Variants in FAM153A observed in about 807,000 individuals in gnomAD.
FAM153A encodes the protein protein FAM153A.
FAM153A carries 12 observed loss-of-function variants against 48.1 expected under a neutral mutation model. The observed-to-expected ratio is 0.25, with a 90% confidence interval of 0.16 to 0.40. The LOEUF (loss-of-function observed/expected upper bound fraction) is 0.40. FAM153A is among the 10% of genes least tolerant of loss of function. The pLI is 1.00. For missense variants in FAM153A, 111 were observed against 345.8 expected, an observed-to-expected ratio of 0.32 and a Z score of 5.38; for synonymous variants, 36 against 118.2, an observed-to-expected ratio of 0.30 and a Z score of 4.51.
chr5:177,699,538 T>G, the FAM153A span, among the ~76,000 whole-genome samples: 1 of 152,148 alleles, frequency 6.6e-6, no homozygotes, highest in Non-Finnish European at 1.5e-5. Context: ...ATGTTACTAC[T>G]GACCTTACAA....
upstream of FAM153A, chr5:177,753,214 C>T (rs760155815): frequency 6.2e-7 from 1 of 1,609,230 alleles, no homozygotes; most frequent in Non-Finnish European, 8.5e-7. Flanking sequence ...CATTGTGAGT[C>T]CTCTGAGACA....
chr5:177,699,021 G>A, the FAM153A span, among the ~76,000 whole-genome samples: 15 of 151,598 alleles, frequency 9.9e-5, no homozygotes, highest in African/African-American at 2.9e-4. Context: ...GGCTGGTCTC[G>A]AACTCCTGGG....
At chr5:177,746,645 T>C (rs1766055614) in intron 4 of FAM153A, among the ~76,000 whole-genome samples, 1 of 149,608 alleles carries the variant, frequency 6.7e-6, no homozygotes, top group South Asian at 2.1e-4. Context: ...CTTCTGCTCT[T>C]TCTTTTAACA....
chr5:177,754,210 G>T (rs1008208485), upstream of FAM153A, among the ~76,000 whole-genome samples: 74 of 152,130 alleles, frequency 4.9e-4, no homozygotes, highest in African/African-American at 1.7e-3. Flanking sequence ...GGCTCGGAGG[G>T]TCCTATGCCC....
intron 4 of FAM153A, 135 bp downstream of exon 6, chr5:177,747,634 C>T (rs1766218626): frequency 1.6e-6 from 1 of 642,210 alleles, no homozygotes; most frequent in Admixed American, 2.5e-5. Context: ...CTTGTCAAGA[C>T]AAAAGTGCTT....
At chr5:177,754,546 G>A (rs549362313), upstream of FAM153A, among the ~76,000 whole-genome samples, 79 of 151,978 alleles carry the variant, frequency 5.2e-4, no homozygotes, top group Middle Eastern at 0.014. Flanking sequence ...TCCTCAAGTG[G>A]GTCCCTGACC....
intron 16 of FAM153A, among the ~76,000 whole-genome samples, chr5:177,729,846 A>G (rs1227706413): frequency 0.014 from 1,611 of 114,454 alleles, 3 homozygotes; most frequent in African/African-American, 0.05. Flanking sequence ...AGCATCCAGG[A>G]CTCCTCCTTC....
chr5:177,749,858 A>T (rs529586590), intron 2 of FAM153A, among the ~76,000 whole-genome samples: 5 of 141,980 alleles, frequency 3.5e-5, no homozygotes, highest in Non-Finnish European at 7.6e-5. Context: ...CACAATGGAA[A>T]ACATAGTCTT....
upstream of FAM153A, among the ~76,000 whole-genome samples, chr5:177,755,443 G>T (rs544284389): frequency 2.7e-4 from 41 of 151,786 alleles, 1 homozygote; most frequent in South Asian, 6.2e-4. Context: ...TTCCCCAATC[G>T]AGCAAGGCAG....
the FAM153A span, among the ~76,000 whole-genome samples, chr5:177,694,676 C>A: frequency 7.9e-3 from 684 of 87,080 alleles, 15 homozygotes; most frequent in African/African-American, 0.033. Flanking sequence ...ATAACACCAA[C>A]GTTGCAGTGA....
At chr5:177,715,278 G>A (rs184877069) in intron 25 of FAM153A, among the ~76,000 whole-genome samples, 121 of 149,352 alleles carry the variant, frequency 8.1e-4, no homozygotes, top group African/African-American at 2.7e-3. Context: ...CACCGCACCC[G>A]GCCATCTCTA....
chr5:177,756,175 G>A (rs1385307451), upstream of FAM153A, among the ~76,000 whole-genome samples: 227 of 150,118 alleles, frequency 1.5e-3, no homozygotes, highest in Middle Eastern at 0.01. Context: ...AAAAAGGCAG[G>A]GGTTGCAATC....
chr5:177,716,883 C>T (rs1759920957), intron 24 of FAM153A, among the ~76,000 whole-genome samples: 1 of 151,594 alleles, frequency 6.6e-6, no homozygotes, highest in Non-Finnish European at 1.5e-5. Flanking sequence ...ACTGCAGCCT[C>T]CACCTCCTGG....
chr5:177,696,484 A>G, the FAM153A span, among the ~76,000 whole-genome samples: 10 of 151,894 alleles, frequency 6.6e-5, no homozygotes, highest in Non-Finnish European at 1.3e-4. Context: ...GAAGTACCTA[A>G]ATTTATCTTT....
intron 1 of FAM153A, among the ~76,000 whole-genome samples, chr5:177,767,905 G>A (rs552912428): frequency 7.4e-5 from 7 of 93,970 alleles, no homozygotes; most frequent in Admixed American, 1.1e-4. Context: ...CAACAAGTAA[G>A]CAATCATTTC....
At chr5:177,768,337 T>C (rs1768872131) in intron 1 of FAM153A, among the ~76,000 whole-genome samples, 2 of 152,198 alleles carry the variant, frequency 1.3e-5, no homozygotes, top group South Asian at 2.1e-4. Flanking sequence ...AGCTTCATTA[T>C]ATTGGCATCA....
chr5:177,697,775 A>G, the FAM153A span, among the ~76,000 whole-genome samples: 1 of 151,602 alleles, frequency 6.6e-6, no homozygotes, highest in Non-Finnish European at 1.5e-5. Flanking sequence ...TTTTGACAAG[A>G]TCTGTTTCTC....
chr5:177,758,910 C>T (rs1768021743), intron 1 of FAM153A, among the ~76,000 whole-genome samples: 1 of 151,410 alleles, frequency 6.6e-6, no homozygotes, highest in Non-Finnish European at 1.5e-5. Context: ...AGAACATAGG[C>T]ATGGGCAAGG....
chr5:177,703,732 A>C (rs376075118), downstream of FAM153A, among the ~76,000 whole-genome samples: 58 of 32,538 alleles, frequency 1.8e-3, no homozygotes, highest in African/African-American at 3.5e-3. Context: ...TGATTGGACC[A>C]TGGAGGCGGT....
Sources: gnomAD v4.1 joint callset for allele counts (sites outside exome capture counted in the v4.1 genomes callset) on GRCh38, gnomAD v4.1.1 for gene constraint, MANE v1.5 for transcripts, NCBI Gene and HGNC (gene_info 2026-07-23, HGNC 2026-07-21) for gene names.